ITPK1: variants seen among roughly 807,000 people sequenced by gnomAD.
The protein encoded by ITPK1 is inositol-tetrakisphosphate 1-kinase, also known as inositol 1,3,4-trisphosphate 5/6-kinase.
Under a neutral mutation model 45.3 loss-of-function variants are expected in ITPK1, and 21 were observed. That is an observed-to-expected ratio of 0.46 (90% CI 0.33 to 0.67). The LOEUF is 0.67. Among genes scored for constraint, ITPK1 ranks in the 30% least tolerant of loss-of-function variants. The pLI, the probability that ITPK1 is intolerant of heterozygous loss-of-function variation, is 0.02. For missense variants in ITPK1, 474 were observed against 573.5 expected (o/e 0.83, Z 1.77); for synonymous variants, 258 against 253.6 (o/e 1.02, Z -0.16).
At position 92,939,901 on chromosome 14, in the gene ITPK1, G is replaced by C. The variant is rs1231197518; in HGVS notation, c.*1660C>G. ...AGTAGTTTATTTTGGAGACAAAGCA[G>C]TGCAAGAGGCCAGCCACGCTTTCCT... On this transcript the variant is annotated 3_prime_UTR_variant, in exon 11 of 11. Transcript: ENST00000267615. 1 of 985,766 alleles carries C rather than the reference G, an allele frequency of 1.0e-6. No individual in the cohort carries two copies. Among genetic ancestry groups the C allele is most frequent in the Non-Finnish European group, 1.2e-6 (1 of 829,958 alleles). The allele number at this position is 985,766 out of a possible 1,614,324, so 61.1% of individuals were successfully genotyped here. A position where few individuals can be genotyped will look rare whatever the true frequency, so the allele number is the denominator to read the frequency against.
intron 2 of ITPK1, among the ~76,000 whole-genome samples, chr14:93,077,697 T>A (rs1159487676): frequency 6.6e-6 from 1 of 152,158 alleles, no homozygotes; most frequent in Admixed American, 6.5e-5. Context: ...TTCTCCTCCC[T>A]GGCCCTGGTG....
Position 92,940,465 on chromosome 14 carries a change from T to C in ITPK1, c.*1096A>G. The C allele has an allele frequency of 8.9e-7, 1 of 1,119,962 alleles. No homozygotes were observed. Among genetic ancestry groups the C allele is most frequent in the Non-Finnish European group, 1.1e-6 (1 of 906,930 alleles). 69.4% of individuals were successfully genotyped at this position (1,119,962 alleles called of 1,614,324 possible). A position where few individuals can be genotyped will look rare whatever the true frequency, so the allele number is the denominator to read the frequency against. ...AAGCGATGGGGGGCGGGTGGCTCCCTGGCACCTGCTGGCTCAGTGCTTGGG... is the reference window on the plus strand; with the variant it reads ...AAGCGATGGGGGGCGGGTGGCTCCCCGGCACCTGCTGGCTCAGTGCTTGGG... On this transcript the variant is annotated 3_prime_UTR_variant, in exon 11 of 11. Transcript: ENST00000267615.
chr14:93,048,884 G>A (rs1364010699), intron 3 of ITPK1, among the ~76,000 whole-genome samples: 1 of 152,180 alleles, frequency 6.6e-6, no homozygotes, highest in Non-Finnish European at 1.5e-5. Flanking sequence ...AGGAGCCAGA[G>A]GTTGCAGTGA....
chr14:93,050,314 G>T (rs1317530723), intron 3 of ITPK1, among the ~76,000 whole-genome samples: 3 of 152,158 alleles, frequency 2.0e-5, no homozygotes, highest in African/African-American at 7.2e-5. Flanking sequence ...CGTGTGTGGG[G>T]TGAGAGGAGG....
At chr14:93,037,807 A>T (rs546168156) in intron 3 of ITPK1, among the ~76,000 whole-genome samples, 7 of 152,230 alleles carry the variant, frequency 4.6e-5, no homozygotes, top group Non-Finnish European at 8.8e-5. Context: ...TTTTCAAAAA[A>T]ACTGTCTTTT....
chr14:92,943,221 G>A (rs764955530), intron 10 of ITPK1, among the ~76,000 whole-genome samples: 10 of 152,334 alleles, frequency 6.6e-5, no homozygotes, highest in East Asian at 1.9e-4. Flanking sequence ...AGGCATGACC[G>A]TTAACCACCA....
intron 2 of ITPK1, among the ~76,000 whole-genome samples, chr14:93,100,918 CA>C (rs901357030): frequency 1.3e-5 from 2 of 152,196 alleles, no homozygotes; most frequent in Non-Finnish European, 2.9e-5. Context: ...CAGCCTGAAG[CA>C]CATGCAGAAG....
chr14:93,013,226 T>C lies in ITPK1; in HGVS notation c.246+3450A>G, dbSNP rs181250175. Among the ~76,000 whole-genome samples, 285 of 152,248 alleles carry C rather than the reference T, an allele frequency of 1.9e-3. 1 individual carries two copies. The highest frequency in any genetic ancestry group is 6.6e-3 in the African/African-American group (276 of 41,552). ...ATGAACCTTGGAGCAGAAAAACAAC[T>C]GAATCATCCCAATTGAGTCTCCAAG... is the stretch of plus-strand genomic sequence containing the variant. On this transcript the variant is annotated intron_variant, in intron 4 of 10. Transcript: ENST00000267615.
rs947878168 is a variant in ITPK1, at chr14:93,032,434, G to T, written c.121-15633C>A. Among the ~76,000 whole-genome samples, 12 of 152,190 alleles carry T rather than the reference G, an allele frequency of 7.9e-5. No homozygotes were observed. Among genetic ancestry groups the T allele is most frequent in the African/African-American group, 2.7e-4 (11 of 41,442 alleles). On this transcript the variant is annotated intron_variant, in intron 3 of 10. Transcript: ENST00000267615. The surrounding 1 kb of genome is among the most constrained non-coding windows in gnomAD (Gnocchi z 4.0). ...GGAAGTTCAGTACTCAAAATCATTT[G>T]CAAAGACTCGGTTGCGTCAAGCTAA...
chr14:93,112,250 G>A (rs1441574924), intron 2 of ITPK1, among the ~76,000 whole-genome samples: 1 of 152,072 alleles, frequency 6.6e-6, no homozygotes, highest in Non-Finnish European at 1.5e-5. Flanking sequence ...AAGACCAAGA[G>A]TCCGGAACCT....
At chr14:93,104,227 T>G (rs564632777) in intron 2 of ITPK1, among the ~76,000 whole-genome samples, 29 of 152,234 alleles carry the variant, frequency 1.9e-4, no homozygotes, top group Non-Finnish European at 4.3e-4. Flanking sequence ...CGCTCACACT[T>G]GTAATCCCAG....
At chr14:93,062,343 T>C (rs955985911) in intron 3 of ITPK1, among the ~76,000 whole-genome samples, 24 of 152,038 alleles carry the variant, frequency 1.6e-4, no homozygotes, top group African/African-American at 1.9e-4. Context: ...GGTGGGAGGA[T>C]TGCTTGAGCC....
At chr14:93,101,046 C>A (rs911589153) in intron 2 of ITPK1, among the ~76,000 whole-genome samples, 30 of 152,146 alleles carry the variant, frequency 2.0e-4, no homozygotes, top group Admixed American at 2.0e-3. Context: ...TGTCACATTC[C>A]CAGCAAGGTT....
chr14:92,941,991 G>A lies in ITPK1; in HGVS notation c.902-87C>T. 3.4e-6 allele frequency: 4 copies of A among 1,165,732 alleles called. No individual in the cohort carries two copies. In the Admixed American group the frequency reaches 6.7e-5, roughly 19 times the overall value. 72.2% of individuals were successfully genotyped at this position (1,165,732 alleles called of 1,614,324 possible). A position where few individuals can be genotyped will look rare whatever the true frequency, so the allele number is the denominator to read the frequency against. On this transcript the variant is annotated intron_variant, in intron 10 of 10. Transcript: ENST00000267615. Reference sequence around the variant, plus strand: ...GAGGAGGAGGAGGCAGAACCGATGGGCTCCTGGGATGAGGCAGGGTGTGCT... The same window carrying A: ...GAGGAGGAGGAGGCAGAACCGATGGACTCCTGGGATGAGGCAGGGTGTGCT...
intron 5 of ITPK1, among the ~76,000 whole-genome samples, chr14:92,971,095 C>T (rs1185221487): frequency 6.6e-6 from 1 of 152,166 alleles, no homozygotes; most frequent in Non-Finnish European, 1.5e-5. Context: ...GTCAGGCACC[C>T]TCTTCCTGCT....
chr14:92,998,261 G>A (rs1165629585), intron 4 of ITPK1, among the ~76,000 whole-genome samples: 2 of 152,198 alleles, frequency 1.3e-5, no homozygotes, highest in Non-Finnish European at 2.9e-5. Flanking sequence ...TGGGCTCCTA[G>A]GGCTAAACCT....
At chr14:93,094,168 C>T (rs998763451) in intron 2 of ITPK1, among the ~76,000 whole-genome samples, 7 of 152,234 alleles carry the variant, frequency 4.6e-5, no homozygotes, top group Non-Finnish European at 8.8e-5. Context: ...CGAGGATATG[C>T]GGGGCCTCCT....
At chr14:93,060,240 C>A (rs913039071) in intron 3 of ITPK1, among the ~76,000 whole-genome samples, 3 of 152,158 alleles carry the variant, frequency 2.0e-5, no homozygotes, top group Non-Finnish European at 2.9e-5. Flanking sequence ...GGTGCCTCAC[C>A]AGCCCCCGCT....
intron 4 of ITPK1, among the ~76,000 whole-genome samples, chr14:92,994,741 T>C (rs1474709651): frequency 2.0e-5 from 3 of 152,156 alleles, no homozygotes; most frequent in Non-Finnish European, 4.4e-5. Flanking sequence ...ACTGGAATGC[T>C]GGTGTGATGT....
Sources: allele counts gnomAD v4.1 joint callset (sites outside exome capture counted in the v4.1 genomes callset), GRCh38; gene constraint gnomAD v4.1.1; non-coding constraint Gnocchi (gnomAD v3.1); transcripts MANE v1.5; gene names NCBI Gene and HGNC (gene_info 2026-07-23, HGNC 2026-07-21).